BICRAL: variants seen among roughly 807,000 people sequenced by gnomAD.
BICRAL encodes BICRA like chromatin remodeling complex associated protein, also known as BRD4-interacting chromatin-remodeling complex-associated protein-like.
A neutral mutation model predicts 91.8 loss-of-function variants in BICRAL; 8 were observed. The ratio of observed to expected loss-of-function variants is 0.09; its 90% CI spans 0.05 to 0.16. BICRAL has a LOEUF of 0.16. Among genes scored for constraint, BICRAL ranks in the 10% least tolerant of loss-of-function variants. BICRAL has a pLI of 1.00. For synonymous variants in BICRAL, 445 were observed against 491.1 expected (o/e 0.91, Z 1.24); for missense variants, 1,038 against 1,310.9 (o/e 0.79, Z 3.21).
intron 1 of BICRAL, among the ~76,000 whole-genome samples, chr6:42,795,385 C>G (rs552419097): frequency 6.6e-6 from 1 of 152,150 alleles, no homozygotes; most frequent in African/African-American, 2.4e-5. Context: ...GTGCCGAGAT[C>G]GTGCCACTGC....
chr6:42,788,845 G>T (rs556898543), intron 1 of BICRAL, among the ~76,000 whole-genome samples: 1 of 152,266 alleles, frequency 6.6e-6, no homozygotes, highest in South Asian at 2.1e-4. Context: ...CCGTGGCTTG[G>T]GGCCATGAAT....
At chr6:42,790,200 C>T (rs1763229138) in intron 1 of BICRAL, among the ~76,000 whole-genome samples, 2 of 152,096 alleles carry the variant, frequency 1.3e-5, no homozygotes, top group Admixed American at 6.6e-5. Flanking sequence ...CACTGTTACC[C>T]AGCCTGGAGT....
chr6:42,848,212 A>G (rs1408613405), intron 6 of BICRAL, among the ~76,000 whole-genome samples: 1 of 151,800 alleles, frequency 6.6e-6, no homozygotes, highest in Non-Finnish European at 1.5e-5. Context: ...AGATCACACC[A>G]CTGCACTCCA....
Position 42,830,189 on chromosome 6 carries a change from A to G in BICRAL, c.1839+17A>G. 1.2e-6 allele frequency: 2 copies of G among 1,610,954 alleles called. No individual in the cohort carries two copies. Among genetic ancestry groups the G allele is most frequent in the African/African-American group, 1.3e-5 (1 of 74,906 alleles). ...TTCTGCCAGGTAATGCCCTTTCCCA[A>G]ATAAATATTTGGCTGATTATAGAAT... On this transcript the variant is annotated intron_variant, in intron 6 of 12. Transcript: ENST00000314073.
In BICRAL at chr6:42,853,696, G is replaced by C; in HGVS notation, c.2004G>C (p.Gln668His). Residue 668 changes from glutamine (Q) to histidine (H), a missense_variant, in exon 8 of 13, where the codon CAG becomes CAC. Transcript: ENST00000314073. The stretch of plus-strand genomic sequence containing the variant: ...CCTTAGGAACCGCACAACCACAGCA[G>C]GAAAAAGTAGTTGGATCATCTCCTG... ...SASLGTAQPQ[Q>H]EKVVGSSPGH... is the part of the protein sequence containing the mutation. The C allele has an allele frequency of 6.2e-7, 1 of 1,614,060 alleles. No individual in the cohort carries two copies.
Position 42,857,175 on chromosome 6 carries a change from G to A in BICRAL, c.2193G>A (p.Gln731=), listed in dbSNP as rs952674916. 6.2e-7 allele frequency: 1 copy of A among 1,613,774 alleles called. No individual in the cohort carries two copies. Among genetic ancestry groups the A allele is most frequent in the Non-Finnish European group, 8.5e-7 (1 of 1,179,760 alleles). ...TCCGATCACTAAGTGATGCGGTACA[G>A]AGACTGCTCTCCTACCACGTGTGCC... ...SHFRSLSDAV[Q]RLLSYHVCQG... is the part of the protein sequence containing the mutation. Residue 731 remains glutamine, a synonymous_variant, in exon 10 of 13, where the codon CAG becomes CAA. Coordinates refer to ENST00000314073, the MANE Select transcript of BICRAL (RefSeq NM_001393499.1).
At chr6:42,848,094 A>C (rs964447102) in intron 6 of BICRAL, among the ~76,000 whole-genome samples, 12 of 151,726 alleles carry the variant, frequency 7.9e-5, no homozygotes, top group Non-Finnish European at 1.5e-4. Flanking sequence ...GCGCCACTGC[A>C]CTCCAGCCTG....
intron 2 of BICRAL, 36 bp from the exon 3 acceptor site, chr6:42,821,982 T>C: frequency 7.0e-7 from 1 of 1,419,466 alleles, no homozygotes. Flanking sequence ...TAATCTGCTT[T>C]ACTGAAACCT....
chr6:42,759,492 G>C (rs1762511740), intron 1 of BICRAL, among the ~76,000 whole-genome samples: 1 of 152,180 alleles, frequency 6.6e-6, no homozygotes, highest in African/African-American at 2.4e-5. Context: ...AAAGAAGGGG[G>C]AGTGTCTGAG....
At chr6:42,751,818 G>A (rs28407754) in intron 1 of BICRAL, among the ~76,000 whole-genome samples, 5 of 151,802 alleles carry the variant, frequency 3.3e-5, no homozygotes, top group African/African-American at 4.8e-5. Context: ...CCACCATGCC[G>A]GGCTAATTTT....
intron 1 of BICRAL, among the ~76,000 whole-genome samples, chr6:42,801,716 T>A (rs1186701961): frequency 6.6e-6 from 1 of 151,844 alleles, no homozygotes; most frequent in Non-Finnish European, 1.5e-5. Context: ...ACCCTGTCTC[T>A]ACTAAACATA....
chr6:42,827,612 C>T (rs1025551578), intron 5 of BICRAL, among the ~76,000 whole-genome samples: 1 of 152,328 alleles, frequency 6.6e-6, no homozygotes, highest in South Asian at 2.1e-4. Context: ...GGGGACGGTG[C>T]CTCACGCCTG....
At chr6:42,809,370 A>T (rs1185711899) in intron 1 of BICRAL, among the ~76,000 whole-genome samples, 1 of 151,572 alleles carries the variant, frequency 6.6e-6, no homozygotes, top group East Asian at 1.9e-4. Context: ...TCTTCATTTC[A>T]TGAGATGAAC....
At chr6:42,856,776 TA>T (rs1219731012) in intron 9 of BICRAL, among the ~76,000 whole-genome samples, 1 of 152,116 alleles carries the variant, frequency 6.6e-6, no homozygotes, top group Admixed American at 6.6e-5. Context: ...CGTGGTTTGG[TA>T]AACTCCCATG....
At position 42,855,781 on chromosome 6, in the gene BICRAL, C is replaced by T. The variant is rs1280467217; in HGVS notation, c.2047-75C>T. 22 of 1,134,542 alleles carry T rather than the reference C, an allele frequency of 1.9e-5. No individual in the cohort carries two copies. In the South Asian group the frequency reaches 2.8e-4, roughly 15 times the overall value. The allele number at this position is 1,134,542 out of a possible 1,614,324, so 70.3% of individuals were successfully genotyped here. Reference sequence around the variant, plus strand: ...TGATAGGTAGTTGAAAATATGTGAACTATAGTGACCTTTATGTATAACTGT... The same window carrying T: ...TGATAGGTAGTTGAAAATATGTGAATTATAGTGACCTTTATGTATAACTGT... On this transcript the variant is annotated intron_variant, in intron 8 of 12. Coordinates refer to ENST00000314073, the MANE Select transcript of BICRAL (RefSeq NM_001393499.1).
intron 1 of BICRAL, among the ~76,000 whole-genome samples, chr6:42,770,611 T>G (rs918845248): frequency 6.6e-6 from 1 of 151,998 alleles, no homozygotes; most frequent in African/African-American, 2.4e-5. Flanking sequence ...AGACGGGGTT[T>G]CACCATGTTG....
chr6:42,747,367 G>A (rs923404091), intron 1 of BICRAL, among the ~76,000 whole-genome samples: 1 of 152,132 alleles, frequency 6.6e-6, no homozygotes, highest in Non-Finnish European at 1.5e-5. Context: ...CCAGTTCCCA[G>A]CCTCCATCGT....
intron 1 of BICRAL, among the ~76,000 whole-genome samples, chr6:42,797,044 CAAAAAAAAA>C (rs1192829085): frequency 4.5e-5 from 2 of 44,296 alleles, no homozygotes; most frequent in Non-Finnish European, 9.7e-5. Context: ...AACTCTGTCT[CAAAAAAAAA>C]AAAAAAAAAA....
chr6:42,814,519 A>ATATATATATATATATTT (rs1237976324), intron 2 of BICRAL, among the ~76,000 whole-genome samples: 1 of 80,210 alleles, frequency 1.2e-5, no homozygotes, highest in African/African-American at 6.6e-5. Flanking sequence ...ATATATATAT[A>ATATATATATATATATTT]TTTTTTTTTT....
Sources: allele counts gnomAD v4.1 joint callset (sites outside exome capture counted in the v4.1 genomes callset), GRCh38; gene constraint gnomAD v4.1.1; transcripts MANE v1.5; gene names NCBI Gene and HGNC (gene_info 2026-07-23, HGNC 2026-07-21).